The following XYLB variants were observed in gnomAD, a reference collection of about 807,000 sequenced individuals.
The protein encoded by XYLB is xylulokinase.
In XYLB, 62 loss-of-function variants were observed where a neutral mutation model predicts 78.7. The ratio of observed to expected loss-of-function variants is 0.79; its 90% CI spans 0.64 to 0.97. XYLB has a LOEUF of 0.97. Among genes scored for constraint, XYLB ranks in the 50% least tolerant of loss-of-function variants. The probability of loss-of-function intolerance (pLI) is 0.00; values close to 1 mark genes in which losing one functional copy is unlikely to be tolerated. For missense variants in XYLB, 687 were observed against 676.8 expected, an observed-to-expected ratio of 1.02 and a Z score of -0.17; for synonymous variants, 245 against 247.4, an observed-to-expected ratio of 0.99 and a Z score of 0.09.
At chr3:38,385,325 T>G (rs1013713809) in intron 15 of XYLB, among the ~76,000 whole-genome samples, 12 of 152,196 alleles carry the variant, frequency 7.9e-5, no homozygotes, top group Non-Finnish European at 7.3e-5. Context: ...TGTCCCTAGT[T>G]CATTCTTGTT....
chr3:38,417,361 C>T (rs1381953002), downstream of XYLB, among the ~76,000 whole-genome samples: 1 of 152,072 alleles, frequency 6.6e-6, no homozygotes, highest in Non-Finnish European at 1.5e-5. Flanking sequence ...CCACAGCAGC[C>T]TCACACACCT....
At chr3:38,432,361 G>C in the XYLB span, among the ~76,000 whole-genome samples, 2 of 133,718 alleles carry the variant, frequency 1.5e-5, no homozygotes, top group African/African-American at 5.6e-5. Flanking sequence ...GAGGTCAGGA[G>C]ATTGAGACCA....
the XYLB span, among the ~76,000 whole-genome samples, chr3:38,441,186 A>G: frequency 6.6e-6 from 1 of 152,234 alleles, no homozygotes; most frequent in Non-Finnish European, 1.5e-5. Flanking sequence ...CCCAGAGGTT[A>G]GGAACTCCCT....
Position 38,413,166 on chromosome 3 carries a change from C to A in XYLB, c.*153C>A. 1 of 620,712 alleles carries A rather than the reference C, an allele frequency of 1.6e-6. No homozygotes were observed. Among genetic ancestry groups the A allele is most frequent in the Non-Finnish European group, 2.6e-6 (1 of 391,092 alleles). The allele number at this position is 620,712 out of a possible 1,614,324, so 38.5% of individuals were successfully genotyped here. A position where few individuals can be genotyped will look rare whatever the true frequency, so the allele number is the denominator to read the frequency against. The stretch of plus-strand genomic sequence containing the variant: ...TCCAGGACCATCTTAAAGCCGCCCT[C>A]AGCACATCTGCATGAAGATAGATAG... On this transcript the variant is annotated 3_prime_UTR_variant, in exon 19 of 19. Transcript: ENST00000207870.
chr3:38,357,795 G>C (rs1575459077), intron 2 of XYLB, among the ~76,000 whole-genome samples: 1 of 152,140 alleles, frequency 6.6e-6, no homozygotes, highest in East Asian at 1.9e-4. Flanking sequence ...TGATAATAAT[G>C]ATGTTGAGTA....
chr3:38,378,885 A>T (rs1195909600), intron 14 of XYLB, among the ~76,000 whole-genome samples: 1 of 150,412 alleles, frequency 6.6e-6, no homozygotes, highest in Non-Finnish European at 1.5e-5. Context: ...ACCCTAAAAA[A>T]CAGGCGCCAC....
downstream of XYLB, among the ~76,000 whole-genome samples, chr3:38,418,257 C>T (rs560915940): frequency 4.9e-4 from 72 of 147,684 alleles, no homozygotes; most frequent in Non-Finnish European, 9.2e-4. Flanking sequence ...CAGAAAAAAA[C>T]GCAAGTACAC....
intron 18 of XYLB, among the ~76,000 whole-genome samples, chr3:38,403,626 C>T (rs1365108535): frequency 6.6e-6 from 1 of 152,146 alleles, no homozygotes; most frequent in East Asian, 1.9e-4. Flanking sequence ...CCACACACGC[C>T]CAACAGGCTA....
At chr3:38,369,327 G>A (rs570321669) in intron 8 of XYLB, among the ~76,000 whole-genome samples, 12 of 152,244 alleles carry the variant, frequency 7.9e-5, no homozygotes, top group African/African-American at 1.7e-4. Context: ...ATGTCCACCC[G>A]TTCTGCACAC....
intron 17 of XYLB, among the ~76,000 whole-genome samples, chr3:38,400,224 A>G (rs1472930260): frequency 6.6e-6 from 1 of 152,138 alleles, no homozygotes. Flanking sequence ...GCTAGGCACC[A>G]TGGTTATAGT....
At chr3:38,358,309 T>TTGTTTTGTGTG (rs1705775644) in intron 2 of XYLB, among the ~76,000 whole-genome samples, 1 of 54,918 alleles carries the variant, frequency 1.8e-5, no homozygotes, top group African/African-American at 7.0e-5. Flanking sequence ...CAGTTTTGTT[T>TTGTTTTGTGTG]TGTGTGTGTG....
intron 15 of XYLB, among the ~76,000 whole-genome samples, chr3:38,386,896 G>T (rs1183100809): frequency 6.6e-6 from 1 of 152,152 alleles, no homozygotes; most frequent in Non-Finnish European, 1.5e-5. Flanking sequence ...AATGTTTTCT[G>T]CTGTGGAATT....
chr3:38,384,826 GTA>G (rs984605796), intron 15 of XYLB, among the ~76,000 whole-genome samples: 26 of 152,200 alleles, frequency 1.7e-4, no homozygotes, highest in African/African-American at 6.0e-4. Context: ...GTGTGTGTGT[GTA>G]TATATTTAAC....
chr3:38,381,849 T>TCGGTCCTG (rs1707161093), intron 15 of XYLB, among the ~76,000 whole-genome samples: 1 of 152,266 alleles, frequency 6.6e-6, no homozygotes, highest in Admixed American at 6.5e-5. Context: ...TAATTTCACC[T>TCGGTCCTG]CGGTCCTGTG....
At chr3:38,357,723 G>A (rs1575458912) in intron 2 of XYLB, among the ~76,000 whole-genome samples, 1 of 152,058 alleles carries the variant, frequency 6.6e-6, no homozygotes, top group African/African-American at 2.4e-5. Context: ...AATTACAGAC[G>A]GCAGCCATCC....
At chr3:38,364,119 C>CT (rs1706120496) in intron 4 of XYLB, among the ~76,000 whole-genome samples, 1 of 152,056 alleles carries the variant, frequency 6.6e-6, no homozygotes, top group Non-Finnish European at 1.5e-5. Flanking sequence ...ATGTCCCAGA[C>CT]TGAGTTCTGT....
At chr3:38,410,612 A>C (rs1708536433) in intron 18 of XYLB, among the ~76,000 whole-genome samples, 2 of 152,240 alleles carry the variant, frequency 1.3e-5, no homozygotes, top group Non-Finnish European at 2.9e-5. Context: ...ACAAAATGGG[A>C]GAAAATTTTT....
chr3:38,450,091 C>T, the XYLB span, among the ~76,000 whole-genome samples: 2 of 152,050 alleles, frequency 1.3e-5, no homozygotes, highest in Admixed American at 1.3e-4. Context: ...CACTGCCCAC[C>T]CCTCCCCCAA....
chr3:38,418,068 G>C (rs1403121929), downstream of XYLB, among the ~76,000 whole-genome samples: 1 of 151,058 alleles, frequency 6.6e-6, no homozygotes, highest in East Asian at 1.9e-4. Flanking sequence ...GGTAGCAGAC[G>C]CCTGTAATCC....
Sources: allele counts gnomAD v4.1 joint callset (sites outside exome capture counted in the v4.1 genomes callset), GRCh38; gene constraint gnomAD v4.1.1; transcripts MANE v1.5; gene names NCBI Gene and HGNC (gene_info 2026-07-23, HGNC 2026-07-21).